The following FHIP1A variants were observed in gnomAD, a reference collection of about 807,000 sequenced individuals.
FHIP1A encodes the protein FHF complex subunit HOOK-interacting protein 1A.
In FHIP1A, 61 loss-of-function variants were observed where a neutral mutation model predicts 88.6. The ratio of observed to expected loss-of-function variants is 0.69; its 90% CI spans 0.56 to 0.85. The LOEUF (loss-of-function observed/expected upper bound fraction) is 0.85. Among genes scored for constraint, FHIP1A ranks in the 40% least tolerant of loss-of-function variants. The probability of loss-of-function intolerance (pLI) is 0.00; values close to 1 mark genes in which losing one functional copy is unlikely to be tolerated. For missense variants in FHIP1A, 1,154 were observed against 1,273.5 expected (o/e 0.91, Z 1.43); for synonymous variants, 478 against 496.0 (o/e 0.96, Z 0.48).
chr4:151,620,689 A>G (rs1370423830), intron 7 of FHIP1A, among the ~76,000 whole-genome samples: 1 of 152,114 alleles, frequency 6.6e-6, no homozygotes, highest in Non-Finnish European at 1.5e-5. Context: ...CTTCCATTGT[A>G]GGAAAGGAAA....
At chr4:151,584,881 T>C (rs1734150782) in intron 5 of FHIP1A, among the ~76,000 whole-genome samples, 1 of 152,156 alleles carries the variant, frequency 6.6e-6, no homozygotes, top group African/African-American at 2.4e-5. Flanking sequence ...GGCTAACTCC[T>C]ACGTACTCTT....
intron 3 of FHIP1A, among the ~76,000 whole-genome samples, chr4:151,515,821 C>T (rs1365435494): frequency 6.6e-6 from 1 of 152,116 alleles, no homozygotes; most frequent in Non-Finnish European, 1.5e-5. Flanking sequence ...AATGGAAGAA[C>T]ATTCCATACT....
intron 2 of FHIP1A, among the ~76,000 whole-genome samples, chr4:151,471,125 G>T (rs1340575276): frequency 6.6e-6 from 1 of 151,946 alleles, no homozygotes; most frequent in African/African-American, 2.4e-5. Flanking sequence ...GGAACTCCAG[G>T]GCCATTTACC....
At chr4:151,641,229 C>G (rs1736576336) in intron 9 of FHIP1A, among the ~76,000 whole-genome samples, 1 of 152,144 alleles carries the variant, frequency 6.6e-6, no homozygotes, top group Non-Finnish European at 1.5e-5. Flanking sequence ...AGGGATTCCA[C>G]CAGGAGAGAA....
At chr4:151,431,733 C>T (rs1006758579) in intron 1 of FHIP1A, among the ~76,000 whole-genome samples, 1 of 152,080 alleles carries the variant, frequency 6.6e-6, no homozygotes, top group East Asian at 1.9e-4. Context: ...AAATAATGAC[C>T]CATTCAAGTT....
intron 6 of FHIP1A, 73 bp downstream of exon 6, chr4:151,586,872 T>A: frequency 8.7e-7 from 1 of 1,145,212 alleles, no homozygotes; most frequent in Non-Finnish European, 1.2e-6. Flanking sequence ...GGATTAATTT[T>A]AAAACGTTCA....
intron 3 of FHIP1A, among the ~76,000 whole-genome samples, chr4:151,534,284 T>C (rs1042873547): frequency 7.9e-5 from 12 of 152,350 alleles, no homozygotes; most frequent in Middle Eastern, 6.8e-3. Context: ...ATGTTAAAGG[T>C]ATGTTACTTA....
chr4:151,560,169 T>G (rs1733116989), intron 3 of FHIP1A, among the ~76,000 whole-genome samples: 1 of 152,224 alleles, frequency 6.6e-6, no homozygotes, highest in South Asian at 2.1e-4. Context: ...CACTTAGTAC[T>G]TTTATATCAT....
chr4:151,426,157 A>G (rs1000947904), intron 1 of FHIP1A, among the ~76,000 whole-genome samples: 4 of 152,150 alleles, frequency 2.6e-5, no homozygotes, highest in Non-Finnish European at 5.9e-5. Flanking sequence ...AAAATTGGCA[A>G]TCCATTCATT....
At chr4:151,505,245 C>G (rs910465569) in intron 3 of FHIP1A, among the ~76,000 whole-genome samples, 2 of 152,142 alleles carry the variant, frequency 1.3e-5, no homozygotes, top group Non-Finnish European at 2.9e-5. Context: ...AAATGGGGGT[C>G]TCTGATTAGC....
chr4:151,480,883 C>G (rs940708785), intron 2 of FHIP1A, among the ~76,000 whole-genome samples: 2 of 151,798 alleles, frequency 1.3e-5, no homozygotes, highest in Admixed American at 6.6e-5. Context: ...AAGGTACATT[C>G]TAAGCCTTTG....
At chr4:151,616,741 C>T (rs1160115148) in intron 7 of FHIP1A, among the ~76,000 whole-genome samples, 4 of 150,012 alleles carry the variant, frequency 2.7e-5, no homozygotes, top group Non-Finnish European at 5.9e-5. Flanking sequence ...TGAGCCACCA[C>T]GCCTGGCCAG....
chr4:151,440,527 C>T (rs1728367539), intron 1 of FHIP1A, among the ~76,000 whole-genome samples: 1 of 152,110 alleles, frequency 6.6e-6, no homozygotes, highest in African/African-American at 2.4e-5. Context: ...AATGACACTA[C>T]CTCCATGTTG....
intron 3 of FHIP1A, among the ~76,000 whole-genome samples, chr4:151,486,689 G>A (rs1282763849): frequency 6.6e-6 from 1 of 151,968 alleles, no homozygotes; most frequent in Non-Finnish European, 1.5e-5. Flanking sequence ...TTTTCTTGCC[G>A]GGCGTGGTGG....
chr4:151,495,106 A>G (rs931262000), intron 3 of FHIP1A, among the ~76,000 whole-genome samples: 2 of 152,192 alleles, frequency 1.3e-5, no homozygotes, highest in African/African-American at 2.4e-5. Context: ...CTTTGGGTAT[A>G]GAATCATATT....
chr4:151,587,303 A>G (rs1470135744), intron 6 of FHIP1A, among the ~76,000 whole-genome samples: 1 of 152,182 alleles, frequency 6.6e-6, no homozygotes, highest in South Asian at 2.1e-4. Flanking sequence ...TGGGAGAGGA[A>G]AAAAGCAACC....
intron 1 of FHIP1A, among the ~76,000 whole-genome samples, chr4:151,425,164 C>G (rs1733314595): frequency 6.6e-6 from 1 of 152,100 alleles, no homozygotes; most frequent in Non-Finnish European, 1.5e-5. Context: ...AGTTTCTTGC[C>G]AGAAAGCTGA....
intron 2 of FHIP1A, among the ~76,000 whole-genome samples, chr4:151,465,333 A>G (rs1266183368): frequency 6.6e-6 from 1 of 152,220 alleles, no homozygotes; most frequent in Admixed American, 6.5e-5. Flanking sequence ...GCGAGATCGA[A>G]TCCCTGAAGA....
At chr4:151,568,858 T>C (rs999293142) in intron 4 of FHIP1A, among the ~76,000 whole-genome samples, 2 of 152,034 alleles carry the variant, frequency 1.3e-5, no homozygotes, top group Non-Finnish European at 2.9e-5. Context: ...GAATAAATGC[T>C]CAATTTCAGC....
Sources: allele counts gnomAD v4.1 joint callset (sites outside exome capture counted in the v4.1 genomes callset), GRCh38; gene constraint gnomAD v4.1.1; transcripts MANE v1.5; gene names NCBI Gene and HGNC (gene_info 2026-07-23, HGNC 2026-07-21).